Variants in SGCZ observed in about 807,000 individuals in gnomAD.
SGCZ encodes zeta-sarcoglycan.
In SGCZ, 40 loss-of-function variants were observed where a neutral mutation model predicts 41.3. That is an observed-to-expected ratio of 0.97 (90% CI 0.75 to 1.26). SGCZ has a LOEUF of 1.26. Among genes scored for constraint, SGCZ ranks in the 50% most tolerant of loss-of-function variants. The pLI, the probability that SGCZ is intolerant of heterozygous loss-of-function variation, is 0.00. For missense variants in SGCZ, 552 were observed against 369.8 expected (o/e 1.49, Z -4.04); for synonymous variants, 206 against 137.5 (o/e 1.50, Z -3.49).
At chr8:14,348,891 A>G (rs1303946372) in intron 2 of SGCZ, among the ~76,000 whole-genome samples, 7 of 152,160 alleles carry the variant, frequency 4.6e-5, no homozygotes, top group Non-Finnish European at 1.0e-4. Flanking sequence ...TTTTACCTAA[A>G]ACACTTTTAG....
At chr8:14,153,940 G>GACAC (rs57842795) in intron 5 of SGCZ, among the ~76,000 whole-genome samples, 2 of 142,746 alleles carry the variant, frequency 1.4e-5, no homozygotes, top group Non-Finnish European at 3.0e-5. Flanking sequence ...CACACACACA[G>GACAC]ACACACACAC....
chr8:14,291,468 AATTT>A (rs1800840765), intron 3 of SGCZ, among the ~76,000 whole-genome samples: 1 of 151,968 alleles, frequency 6.6e-6, no homozygotes, highest in African/African-American at 2.4e-5. Flanking sequence ...TAGATTGCCA[AATTT>A]ATTTGTGCAC....
At chr8:14,170,950 A>G (rs1478096497) in intron 4 of SGCZ, among the ~76,000 whole-genome samples, 1 of 152,052 alleles carries the variant, frequency 6.6e-6, no homozygotes, top group African/African-American at 2.4e-5. Flanking sequence ...GAAAAAAAGG[A>G]TAATAATCCT....
chr8:15,226,502 A>G (rs887725780), intron 1 of SGCZ, among the ~76,000 whole-genome samples: 2 of 152,220 alleles, frequency 1.3e-5, no homozygotes, highest in African/African-American at 4.8e-5. Flanking sequence ...TATGAAGTTT[A>G]ACTTCCAGGA....
At chr8:14,213,378 C>T (rs534129191) in intron 4 of SGCZ, among the ~76,000 whole-genome samples, 157 of 151,996 alleles carry the variant, frequency 1.0e-3, no homozygotes, top group African/African-American at 3.7e-3. Context: ...ACCATGGAGA[C>T]CAGAAAAAAA....
intron 2 of SGCZ, among the ~76,000 whole-genome samples, chr8:14,328,261 TTA>T (rs2117044220): frequency 6.6e-6 from 1 of 152,344 alleles, no homozygotes; most frequent in South Asian, 2.1e-4. Flanking sequence ...AAATTTATTT[TTA>T]GTGTCTGATG....
chr8:14,171,974 C>G (rs1804396563), intron 4 of SGCZ, among the ~76,000 whole-genome samples: 1 of 152,056 alleles, frequency 6.6e-6, no homozygotes, highest in African/African-American at 2.4e-5. Flanking sequence ...ATATCTTAGG[C>G]AACTGCGTTA....
intron 1 of SGCZ, among the ~76,000 whole-genome samples, chr8:15,113,629 G>A (rs1030340481): frequency 1.3e-5 from 2 of 152,060 alleles, no homozygotes; most frequent in South Asian, 4.1e-4. Flanking sequence ...GTATAAGGGG[G>A]GCCTCCTATA....
chr8:14,325,776 A>G (rs1474687610), intron 2 of SGCZ, among the ~76,000 whole-genome samples: 1 of 107,834 alleles, frequency 9.3e-6, no homozygotes, highest in Non-Finnish European at 1.8e-5. Flanking sequence ...ATATATATAT[A>G]TATATATATA....
intron 1 of SGCZ, among the ~76,000 whole-genome samples, chr8:15,081,493 CT>C (rs10659307): frequency 0.076 from 10,618 of 139,400 alleles, 487 homozygotes; most frequent in African/African-American, 0.15. Context: ...GATCCAATGG[CT>C]TTTTTTTTTT....
At chr8:14,215,209 G>A (rs1392250395) in intron 4 of SGCZ, among the ~76,000 whole-genome samples, 1 of 152,008 alleles carries the variant, frequency 6.6e-6, no homozygotes, top group Admixed American at 6.6e-5. Flanking sequence ...TATTAGAAAG[G>A]TAGCAGGAAA....
At chr8:14,248,113 T>G (rs1250619974) in intron 3 of SGCZ, among the ~76,000 whole-genome samples, 1 of 152,160 alleles carries the variant, frequency 6.6e-6, no homozygotes, top group African/African-American at 2.4e-5. Flanking sequence ...AGGAAATTAT[T>G]AAATTTTCTA....
intron 3 of SGCZ, among the ~76,000 whole-genome samples, chr8:14,305,907 C>T (rs745503555): frequency 1.5e-4 from 23 of 152,190 alleles, no homozygotes; most frequent in African/African-American, 5.5e-4. Flanking sequence ...TCTGCCACCA[C>T]GTGTTCAAGC....
intron 1 of SGCZ, among the ~76,000 whole-genome samples, chr8:14,685,239 G>A (rs1417014006): frequency 6.6e-6 from 1 of 151,962 alleles, no homozygotes; most frequent in Non-Finnish European, 1.5e-5. Flanking sequence ...AATAGTAAAG[G>A]TATATGAATA....
intron 4 of SGCZ, among the ~76,000 whole-genome samples, chr8:14,227,066 G>A (rs1053777450): frequency 1.3e-5 from 2 of 152,020 alleles, no homozygotes; most frequent in South Asian, 4.1e-4. Flanking sequence ...CAGGTTAGGT[G>A]AGCAATCAGC....
chr8:14,360,934 G>C (rs1456826342), intron 2 of SGCZ, among the ~76,000 whole-genome samples: 3 of 152,036 alleles, frequency 2.0e-5, no homozygotes, highest in Admixed American at 2.0e-4. Context: ...TAGTTTTTCC[G>C]CAAGCTCAGC....
At chr8:15,147,736 G>A (rs902936674) in intron 1 of SGCZ, among the ~76,000 whole-genome samples, 1 of 152,190 alleles carries the variant, frequency 6.6e-6, no homozygotes, top group Non-Finnish European at 1.5e-5. Flanking sequence ...TAGAATCCCT[G>A]TTGCAGAAGG....
At chr8:14,586,145 T>A (rs1805050683) in intron 1 of SGCZ, among the ~76,000 whole-genome samples, 1 of 152,184 alleles carries the variant, frequency 6.6e-6, no homozygotes, top group Non-Finnish European at 1.5e-5. Context: ...GTCTTAGATT[T>A]CATGCTATAA....
chr8:14,785,500 C>A (rs2130450295), intron 1 of SGCZ, among the ~76,000 whole-genome samples: 1 of 152,078 alleles, frequency 6.6e-6, no homozygotes, highest in East Asian at 1.9e-4. Context: ...TCGAAAAATA[C>A]CCAATAGTCA....
Sources: gnomAD v4.1 joint callset for allele counts (sites outside exome capture counted in the v4.1 genomes callset) on GRCh38, gnomAD v4.1.1 for gene constraint, MANE v1.5 for transcripts, NCBI Gene and HGNC (gene_info 2026-07-23, HGNC 2026-07-21) for gene names.